CDK14: variants seen among roughly 807,000 people sequenced by gnomAD.
CDK14 encodes the protein cyclin dependent kinase 14.
Under a neutral mutation model 60.7 loss-of-function variants are expected in CDK14, and 34 were observed. That is an observed-to-expected ratio of 0.56 (90% confidence interval 0.43 to 0.75). The LOEUF (loss-of-function observed/expected upper bound fraction) is 0.75. Among genes scored for constraint, CDK14 ranks in the 30% least tolerant of loss-of-function variants. The pLI is 0.00. For missense variants in CDK14, 482 were observed against 564.1 expected (o/e 0.85, Z 1.47); for synonymous variants, 197 against 203.7 (o/e 0.97, Z 0.28).
intron 14 of CDK14, among the ~76,000 whole-genome samples, chr7:91,121,727 A>C (rs1034576984): frequency 6.6e-6 from 1 of 152,206 alleles, no homozygotes; most frequent in Non-Finnish European, 1.5e-5. Context: ...TGCTTCTTAC[A>C]TTTTGTTATC....
chr7:90,643,045 G>C (rs767729931), intron 2 of CDK14, among the ~76,000 whole-genome samples: 1 of 152,210 alleles, frequency 6.6e-6, no homozygotes, highest in African/African-American at 2.4e-5. Context: ...TAACATGAAG[G>C]CGTCAAGTAT....
chr7:91,054,739 G>A (rs1046746900), intron 11 of CDK14, among the ~76,000 whole-genome samples: 25 of 152,122 alleles, frequency 1.6e-4, no homozygotes, highest in African/African-American at 3.9e-4. Context: ...TGAACAAAGC[G>A]GATGAATCCT....
At chr7:90,846,030 A>G (rs1374374415) in intron 5 of CDK14, among the ~76,000 whole-genome samples, 2 of 152,098 alleles carry the variant, frequency 1.3e-5, no homozygotes, top group African/African-American at 2.4e-5. Flanking sequence ...ATTAAACTCC[A>G]TAAAAACCTG....
chr7:90,753,282 A>T (rs956524769), intron 4 of CDK14, among the ~76,000 whole-genome samples: 5 of 152,218 alleles, frequency 3.3e-5, no homozygotes, highest in African/African-American at 1.2e-4. Flanking sequence ...CAAAAAGATC[A>T]TTCACCACAA....
chr7:90,979,202 TC>T (rs1289080767), intron 9 of CDK14, among the ~76,000 whole-genome samples: 2 of 152,176 alleles, frequency 1.3e-5, no homozygotes, highest in Non-Finnish European at 2.9e-5. Context: ...CACCAAATAT[TC>T]TTCTTTCGAT....
intron 7 of CDK14, among the ~76,000 whole-genome samples, chr7:90,905,630 G>C (rs2117375453): frequency 6.6e-6 from 1 of 152,232 alleles, no homozygotes; most frequent in Middle Eastern, 3.4e-3. Context: ...ACATTTCATA[G>C]AAAGTAAGCA....
chr7:90,849,232 C>T lies in CDK14; in HGVS notation c.545-13943C>T, dbSNP rs562790954. On this transcript the variant is annotated intron_variant, in intron 5 of 14. Transcript: ENST00000380050. ...TACCTCCCCAAATCCTCTTGCTTCC[C>T]GAGCCCTTGCTTCCTCTCTCATCAT... Among the ~76,000 whole-genome samples, 15 of 152,086 alleles carry T rather than the reference C, an allele frequency of 9.9e-5. No homozygotes were observed. The South Asian group carries it at 2.1e-3, about 21-fold the overall frequency.
chr7:90,612,541 G>A (rs974512632), intron 2 of CDK14, among the ~76,000 whole-genome samples: 3 of 152,120 alleles, frequency 2.0e-5, no homozygotes, highest in African/African-American at 4.8e-5. Flanking sequence ...GGAGGTCGAG[G>A]CAGGTGGATC....
Position 91,163,405 on chromosome 7 carries a change from G to C in CDK14, c.*29-43760G>C, listed in dbSNP as rs56080560. On this transcript the variant is annotated intron_variant, in intron 14 of 14. Transcript: ENST00000380050. ...TGTAAGCGTTCCTAACAACAGGTCA[G>C]AGCTTTTAAATTGAGGAGTTTGGAC... 3.3e-3 allele frequency among the ~76,000 whole-genome samples: 496 copies of C among 152,320 alleles called. 9 individuals are homozygous for C. The highest frequency in any genetic ancestry group is 1.7e-3 in the Non-Finnish European group (115 of 68,036).
At chr7:90,813,818 C>G (rs1356688242) in intron 5 of CDK14, among the ~76,000 whole-genome samples, 1 of 151,896 alleles carries the variant, frequency 6.6e-6, no homozygotes, top group Non-Finnish European at 1.5e-5. Flanking sequence ...GTAAAACAAA[C>G]AAATCTGAGT....
At chr7:90,662,743 A>G (rs1489496867) in intron 2 of CDK14, among the ~76,000 whole-genome samples, 1 of 152,212 alleles carries the variant, frequency 6.6e-6, no homozygotes, top group African/African-American at 2.4e-5. Flanking sequence ...TTAATTTTTT[A>G]TAGCTCATTT....
chr7:90,791,718 C>G (rs890080521), intron 5 of CDK14, among the ~76,000 whole-genome samples: 4 of 152,024 alleles, frequency 2.6e-5, no homozygotes, highest in Admixed American at 6.6e-5. Flanking sequence ...TTATAAAGTT[C>G]ATCAGTCACT....
chr7:91,012,830 A>G (rs1437665707), intron 10 of CDK14, among the ~76,000 whole-genome samples: 4 of 152,224 alleles, frequency 2.6e-5, no homozygotes, highest in South Asian at 2.1e-4. Flanking sequence ...ATAGAGAGTC[A>G]TTTACATAGA....
At chr7:90,838,593 C>T (rs761192449) in intron 5 of CDK14, among the ~76,000 whole-genome samples, 4 of 151,910 alleles carry the variant, frequency 2.6e-5, no homozygotes, top group Non-Finnish European at 4.4e-5. Context: ...TAATTAATAC[C>T]CTGGGAAAGG....
At position 91,136,488 on chromosome 7, in the gene CDK14, A is replaced by T. The variant is rs147923089; in HGVS notation, c.*28+18280A>T. ...CAATGTACTTGTTTATAAGGGTAAC[A>T]TGGGTATCTGTGAGTGCCTTTTAAA... is the stretch of plus-strand genomic sequence containing the variant. On this transcript the variant is annotated intron_variant, in intron 14 of 14. Transcript: ENST00000380050. 1.3e-3 allele frequency among the ~76,000 whole-genome samples: 201 copies of T among 152,280 alleles called. 1 individual carries two copies. Among genetic ancestry groups the T allele is most frequent in the Middle Eastern group, 0.01 (3 of 294 alleles).
At chr7:90,692,754 T>C (rs1374099349) in intron 2 of CDK14, 3 of 694,584 alleles carry the variant, frequency 4.3e-6, no homozygotes, top group Non-Finnish European at 5.3e-6. Flanking sequence ...ATGACACATA[T>C]TGTTATATTT....
intron 8 of CDK14, among the ~76,000 whole-genome samples, chr7:90,922,104 A>G (rs773971721): frequency 6.6e-6 from 1 of 152,184 alleles, no homozygotes; most frequent in Non-Finnish European, 1.5e-5. Flanking sequence ...GAAGGTACAG[A>G]CCTTTACCTA....
At chr7:91,146,060 T>C (rs865969191) in intron 14 of CDK14, among the ~76,000 whole-genome samples, 8 of 152,140 alleles carry the variant, frequency 5.3e-5, no homozygotes, top group East Asian at 1.9e-4. Flanking sequence ...TCTCTCAAAA[T>C]AGACAATGAT....
intron 1 of CDK14, among the ~76,000 whole-genome samples, chr7:90,603,377 T>C (rs1022301322): frequency 5.3e-5 from 8 of 152,242 alleles, no homozygotes; most frequent in African/African-American, 1.9e-4. Flanking sequence ...CATTTTTCTA[T>C]GTTTAGATAC....
Sources: gnomAD v4.1 joint callset for allele counts (sites outside exome capture counted in the v4.1 genomes callset) on GRCh38, gnomAD v4.1.1 for gene constraint, MANE v1.5 for transcripts, NCBI Gene and HGNC (gene_info 2026-07-23, HGNC 2026-07-21) for gene names.